Variants in PDILT observed in about 807,000 individuals in gnomAD.
PDILT encodes the protein protein disulfide-isomerase-like protein of the testis.
Under a neutral mutation model 53.7 loss-of-function variants are expected in PDILT, and 43 were observed. The observed-to-expected ratio is 0.80, with a 90% CI of 0.63 to 1.03. The LOEUF (loss-of-function observed/expected upper bound fraction) is 1.03, where lower values mean the gene tolerates loss of function less well. Ranked by LOEUF, PDILT falls within the 50% of genes least tolerant of loss-of-function variation. The pLI, the probability that PDILT is intolerant of heterozygous loss-of-function variation, is 0.00. For synonymous variants in PDILT, 282 were observed against 274.2 expected (o/e 1.03, Z -0.28); for missense variants, 727 against 712.3 (o/e 1.02, Z -0.24).
At chr16:20,367,083 CTTTCTTT>C (rs1567320912) in intron 8 of PDILT, among the ~76,000 whole-genome samples, 2,313 of 115,722 alleles carry the variant, frequency 0.02, 108 homozygotes, top group African/African-American at 0.025. Context: ...TTCTTTCTTT[CTTTCTTT>C]CTTTCTTTCT....
chr16:20,360,471 G>A (rs1227660443), intron 11 of PDILT, 97 bp downstream of exon 11: 1 of 1,154,824 alleles, frequency 8.7e-7, no homozygotes, highest in East Asian at 2.3e-5. Flanking sequence ...CATCTCCCAA[G>A]ATTATGGAAC....
At position 20,369,518 on chromosome 16, in the gene PDILT, G is replaced by A. The variant is rs191618493; in HGVS notation, c.1090C>T (p.Arg364Cys). The A allele has an allele frequency of 2.5e-5, 41 of 1,614,138 alleles. No homozygotes were observed. In the Admixed American group the frequency reaches 3.7e-4, roughly 14 times the overall value. ...ITYESLKKFGRSFLSKNATKH... is the reference protein window; with the variant it reads ...ITYESLKKFGCSFLSKNATKH... ...GTGGCATTTTTACTCAGGAAGCTGC[G>A]GCCAAATTTCTTGAGGCTTTCGTAG... Residue 364 changes from arginine to cysteine, a missense_variant, in exon 8 of 12, where the codon CGC becomes TGC. Arg to Cys is a radical substitution (Grantham distance 180). Coordinates refer to ENST00000302451, the MANE Select transcript of PDILT (RefSeq NM_174924.2).
chr16:20,388,322 A>G (rs1966566046), intron 2 of PDILT, among the ~76,000 whole-genome samples: 1 of 152,218 alleles, frequency 6.6e-6, no homozygotes, highest in African/African-American at 2.4e-5. Flanking sequence ...CCTGTGAGTT[A>G]TCTGTGATTA....
intron 1 of PDILT, 117 bp from the exon 2 acceptor site, chr16:20,399,424 G>A: frequency 9.1e-7 from 1 of 1,094,868 alleles, no homozygotes; most frequent in Non-Finnish European, 1.3e-6. Flanking sequence ...CCTGAGCATT[G>A]CCTCCCAGCA....
chr16:20,404,246 T>A (rs1344720634), intron 1 of PDILT, among the ~76,000 whole-genome samples: 1 of 152,188 alleles, frequency 6.6e-6, no homozygotes. Context: ...ATGCTGAGAA[T>A]CTCTTGGAGA....
chr16:20,367,932 A>C (rs1596581340), intron 8 of PDILT, among the ~76,000 whole-genome samples: 1 of 152,220 alleles, frequency 6.6e-6, no homozygotes, highest in African/African-American at 2.4e-5. Context: ...GGTGAGTACT[A>C]TGGGGTATAC....
intron 7 of PDILT, among the ~76,000 whole-genome samples, chr16:20,371,791 C>T (rs1340117806): frequency 6.6e-6 from 1 of 151,568 alleles, no homozygotes; most frequent in African/African-American, 2.4e-5. Flanking sequence ...AATCAGGTTG[C>T]AATCAATTTA....
At chr16:20,370,696 T>G (rs79980168) in intron 7 of PDILT, among the ~76,000 whole-genome samples, 366 of 152,288 alleles carry the variant, frequency 2.4e-3, no homozygotes, top group Non-Finnish European at 4.1e-3. Context: ...TAGGTATTCT[T>G]AGTCACAGAA....
rs1306943510 is a variant in PDILT at position 20,373,099 on chromosome 16, C to T, written c.705G>A (p.Lys235=). Residue 235 remains lysine, a synonymous_variant, in exon 6 of 12, where the codon AAG becomes AAA. Coordinates refer to ENST00000302451, the MANE Select transcript of PDILT (RefSeq NM_174924.2). The part of the protein sequence containing the change: ...FKKGKIVNRQ[K]LINDSTNKQE... ...GTTTGTTGGTACTGTCATTAATAAG[C>T]TTTTGGCGGTTCACAATTTTTCCCT... The T allele has an allele frequency of 6.2e-7, 1 of 1,614,040 alleles. No individual in the cohort carries two copies. The highest frequency in any genetic ancestry group is 8.5e-7 in the Non-Finnish European group (1 of 1,179,952).
At chr16:20,394,082 CA>C (rs1463611880) in intron 2 of PDILT, among the ~76,000 whole-genome samples, 1 of 152,058 alleles carries the variant, frequency 6.6e-6, no homozygotes, top group Non-Finnish European at 1.5e-5. Flanking sequence ...ACACAGGAAC[CA>C]GAAGAGACTG....
intron 4 of PDILT, among the ~76,000 whole-genome samples, chr16:20,375,509 T>C (rs1285898401): frequency 6.6e-6 from 1 of 152,198 alleles, no homozygotes; most frequent in Non-Finnish European, 1.5e-5. Flanking sequence ...AGAAACTCAT[T>C]CTCCTAAAGC....
intron 3 of PDILT, among the ~76,000 whole-genome samples, chr16:20,380,034 C>A (rs1031190551): frequency 3.9e-5 from 6 of 152,186 alleles, no homozygotes; most frequent in African/African-American, 1.4e-4. Flanking sequence ...AATTGATTTA[C>A]AAAATCTGAA....
intron 1 of PDILT, among the ~76,000 whole-genome samples, chr16:20,402,093 A>G (rs1274104296): frequency 6.6e-6 from 1 of 152,188 alleles, no homozygotes; most frequent in Non-Finnish European, 1.5e-5. Context: ...TCATTCATCA[A>G]ATATTTTTGA....
At position 20,360,647 on chromosome 16, in the gene PDILT, T is replaced by C. The variant is rs772188386; in HGVS notation, c.1427A>G (p.Tyr476Cys). 2.2e-5 allele frequency: 36 copies of C among 1,612,674 alleles called. No homozygotes were observed. Among genetic ancestry groups the C allele is most frequent in the South Asian group, 5.5e-5 (5 of 91,068 alleles). ...FPSGSQQAVL[Y>C]KGEHTLKGFS... ...GCCCTTCAGGGTGTGTTCTCCCTTATACAGGACAGCCTAGGATGAAAATGG... is the reference window on the plus strand; with the variant it reads ...GCCCTTCAGGGTGTGTTCTCCCTTACACAGGACAGCCTAGGATGAAAATGG... Residue 476 changes from tyrosine (Y) to cysteine (C), a missense_variant, in exon 11 of 12, where the codon TAT (tyrosine) becomes TGT (cysteine). Coordinates refer to ENST00000302451, the MANE Select transcript of PDILT (RefSeq NM_174924.2).
chr16:20,390,304 T>G (rs1966592956), intron 2 of PDILT, among the ~76,000 whole-genome samples: 1 of 152,186 alleles, frequency 6.6e-6, no homozygotes, highest in African/African-American at 2.4e-5. Flanking sequence ...TTCTTAGTCC[T>G]CTTCTCTTCA....
chr16:20,376,906 T>C (rs1037789484), intron 3 of PDILT, among the ~76,000 whole-genome samples: 12 of 152,232 alleles, frequency 7.9e-5, no homozygotes, highest in African/African-American at 2.9e-4. Flanking sequence ...TGTGTTTTTC[T>C]AGGATTATCA....
intron 8 of PDILT, among the ~76,000 whole-genome samples, chr16:20,368,716 C>A (rs1966256291): frequency 6.6e-6 from 1 of 152,090 alleles, no homozygotes; most frequent in Non-Finnish European, 1.5e-5. Context: ...CTGCCTCAGC[C>A]TCCTAAGTAG....
intron 1 of PDILT, among the ~76,000 whole-genome samples, chr16:20,403,130 GTGCATT>G (rs1966764826): frequency 2.0e-5 from 3 of 152,244 alleles, no homozygotes; most frequent in South Asian, 4.2e-4. Flanking sequence ...TTCTCCCTGT[GTGCATT>G]CTCCCTGTAT....
rs749864414 is a variant in PDILT, at chr16:20,374,942, T to C, written c.561A>G (p.Val187=). The C allele has an allele frequency of 1.2e-5, 20 of 1,610,178 alleles. No individual in the cohort carries two copies. Among genetic ancestry groups the C allele is most frequent in the Middle Eastern group, 1.6e-4 (1 of 6,070 alleles). The change falls in exon 5 of 12, where the codon GTA becomes GTG. Residue 187 remains valine, a synonymous_variant. Coordinates refer to ENST00000302451, the MANE Select transcript of PDILT (RefSeq NM_174924.2). ...TGATCACATCATAGAACAACTCTGC[T>C]ACTTCTTCCTCTAAATCCTATTTGG... is the stretch of plus-strand genomic sequence containing the variant. ...VGFFQDLEEE[V]AELFYDVIKD...
Sources: allele counts gnomAD v4.1 joint callset (sites outside exome capture counted in the v4.1 genomes callset), GRCh38; gene constraint gnomAD v4.1.1; transcripts MANE v1.5; gene names NCBI Gene and HGNC (gene_info 2026-07-23, HGNC 2026-07-21).